The following SSH2 variants were observed in gnomAD, a reference collection of about 807,000 sequenced individuals.
The protein encoded by SSH2 is slingshot protein phosphatase 2, also known as protein phosphatase Slingshot homolog 2.
Under a neutral mutation model 135.2 loss-of-function variants are expected in SSH2, and 37 were observed. The ratio of observed to expected loss-of-function variants is 0.27; its 90% CI spans 0.21 to 0.36. The LOEUF (loss-of-function observed/expected upper bound fraction) is 0.36, where lower values mean the gene tolerates loss of function less well. SSH2 is among the 10% of genes least tolerant of loss of function. The pLI, the probability that SSH2 is intolerant of heterozygous loss-of-function variation, is 1.00. For synonymous variants in SSH2, 628 were observed against 646.2 expected (o/e 0.97, Z 0.43); for missense variants, 1,408 against 1,765.3 (o/e 0.80, Z 3.63).
intron 3 of SSH2, among the ~76,000 whole-genome samples, chr17:29,743,809 T>C (rs758831393): frequency 1.3e-5 from 2 of 152,054 alleles, no homozygotes; most frequent in Non-Finnish European, 2.9e-5. Context: ...TTAGAATCAC[T>C]AAATGTTATG....
chr17:29,796,736 A>C (rs1174953977), intron 2 of SSH2, among the ~76,000 whole-genome samples: 1 of 151,942 alleles, frequency 6.6e-6, no homozygotes, highest in Non-Finnish European at 1.5e-5. Flanking sequence ...TAAGTTACTG[A>C]TATCAGTACA....
chr17:29,810,499 A>G (rs1273345731), intron 2 of SSH2, among the ~76,000 whole-genome samples: 1 of 152,244 alleles, frequency 6.6e-6, no homozygotes, highest in South Asian at 2.1e-4. Context: ...TCATTAATTC[A>G]TCTACAATTT....
intron 3 of SSH2, among the ~76,000 whole-genome samples, chr17:29,779,036 C>T (rs1335668502): frequency 6.6e-6 from 1 of 151,516 alleles, no homozygotes; most frequent in Non-Finnish European, 1.5e-5. Flanking sequence ...TCATGAATAA[C>T]ATCTAGGGGG....
chr17:29,870,790 C>T (rs1343892695), intron 1 of SSH2, among the ~76,000 whole-genome samples: 1 of 152,186 alleles, frequency 6.6e-6, no homozygotes, highest in Non-Finnish European at 1.5e-5. Flanking sequence ...CCTTCATTGT[C>T]TATTTGATAA....
chr17:29,898,824 C>CA (rs2066492772), intron 1 of SSH2, among the ~76,000 whole-genome samples: 7 of 151,970 alleles, frequency 4.6e-5, no homozygotes, highest in Admixed American at 4.6e-4. Context: ...AGAGACACAA[C>CA]AAAAAAAGAG....
rs538416272 is a variant in SSH2 at position 29,814,301 on chromosome 17, G to A, written c.145-20364C>T. 3.7e-3 allele frequency among the ~76,000 whole-genome samples: 554 copies of A among 149,718 alleles called. 3 individuals carry two copies. The highest frequency in any genetic ancestry group is 0.013 in the African/African-American group (530 of 40,816). On this transcript the variant is annotated intron_variant, in intron 2 of 15. Coordinates refer to ENST00000540801, the MANE Select transcript of SSH2 (RefSeq NM_001282129.2). ...ATACAAAAAATTAGCCGGGCGTGGT[G>A]GCGCGCTTGTAGTCCCAGCTACTCG...
chr17:29,708,989 A>T (rs1296772328), intron 3 of SSH2, among the ~76,000 whole-genome samples: 1 of 69,942 alleles, frequency 1.4e-5, no homozygotes, highest in Non-Finnish European at 3.0e-5. Flanking sequence ...ATCCCTAGTT[A>T]AGAAATATAT....
intron 1 of SSH2, among the ~76,000 whole-genome samples, chr17:29,901,956 AT>A (rs910128428): frequency 4.0e-5 from 6 of 149,176 alleles, no homozygotes; most frequent in East Asian, 2.0e-4. Flanking sequence ...CTAATTTTTA[AT>A]TTTTTTTTTG....
chr17:29,907,154 A>C (rs1269391046), intron 1 of SSH2, among the ~76,000 whole-genome samples: 1 of 152,260 alleles, frequency 6.6e-6, no homozygotes, highest in African/African-American at 2.4e-5. Flanking sequence ...AATGTGGTAC[A>C]TACATACCAT....
chr17:29,735,177 G>A (rs2040324160), intron 3 of SSH2, among the ~76,000 whole-genome samples: 1 of 152,056 alleles, frequency 6.6e-6, no homozygotes, highest in Admixed American at 6.6e-5. Context: ...CTGGTCCAAA[G>A]CTCTGGACTA....
chr17:29,670,155 T>A (rs1006206803), intron 9 of SSH2, among the ~76,000 whole-genome samples: 1 of 152,124 alleles, frequency 6.6e-6, no homozygotes, highest in Non-Finnish European at 1.5e-5. Context: ...GTGCTGAGAT[T>A]ACAGGCATGA....
At chr17:29,793,470 G>A (rs2617883) in intron 3 of SSH2, 68,046 of 153,344 alleles carry the variant, frequency 0.44, 15,463 homozygotes, top group Non-Finnish European at 0.49. Context: ...ATATTTTCCT[G>A]AAAGGTAAGG....
At chr17:29,664,050 A>G (rs1335113718) in intron 11 of SSH2, among the ~76,000 whole-genome samples, 3 of 152,248 alleles carry the variant, frequency 2.0e-5, no homozygotes, top group African/African-American at 4.8e-5. Flanking sequence ...CTGTGTGTGT[A>G]TACACAAAAA....
In SSH2 at chr17:29,631,916, G is replaced by A; in HGVS notation, c.3278C>T (p.Pro1093Leu). The A allele has an allele frequency of 6.2e-7, 1 of 1,614,180 alleles. No individual in the cohort carries two copies. The highest frequency in any genetic ancestry group is 1.1e-5 in the South Asian group (1 of 91,080). ...TTGGGGGTGCAGAGAAACCTGGTTGGGGTCCAGAGTCCTGTTTAGATTTTC... is the reference window on the plus strand; with the variant it reads ...TTGGGGGTGCAGAGAAACCTGGTTGAGGTCCAGAGTCCTGTTTAGATTTTC... ...LDENLNRTLDPNQVSLHPQVL... is the reference protein window; with the variant it reads ...LDENLNRTLDLNQVSLHPQVL... Residue 1093 changes from proline to leucine, a missense_variant, in exon 16 of 16, where the codon CCC becomes CTC. Transcript: ENST00000540801.
At position 29,650,804 on chromosome 17, in the gene SSH2, C is replaced by A. The variant is rs369420962; in HGVS notation, c.1080-4G>T. 31 of 1,596,120 alleles carry A rather than the reference C, an allele frequency of 1.9e-5. No individual in the cohort carries two copies. The African/African-American group carries it at 3.0e-4, about 15-fold the overall frequency. On this transcript the variant is annotated splice_region_variant and splice_polypyrimidine_tract_variant and intron_variant, in intron 12 of 15. Coordinates refer to ENST00000540801, the MANE Select transcript of SSH2 (RefSeq NM_001282129.2). ...GACATTCAAGATATACCGTACCCTGCAAGGAAACCAAGGGAGAATATGTGC... is the reference window on the plus strand; with the variant it reads ...GACATTCAAGATATACCGTACCCTGAAAGGAAACCAAGGGAGAATATGTGC...
chr17:29,722,392 A>G (rs1395661141), intron 3 of SSH2, among the ~76,000 whole-genome samples: 1 of 152,172 alleles, frequency 6.6e-6, no homozygotes, highest in Non-Finnish European at 1.5e-5. Context: ...CATACTCTAG[A>G]GTACTTGGGT....
intron 1 of SSH2, among the ~76,000 whole-genome samples, chr17:29,874,441 G>A (rs564947177): frequency 2.0e-5 from 3 of 152,160 alleles, no homozygotes; most frequent in Admixed American, 2.0e-4. Context: ...CTATAACCCC[G>A]ATAAGGGAGA....
At chr17:29,708,279 C>T (rs2039288668) in intron 3 of SSH2, among the ~76,000 whole-genome samples, 1 of 152,038 alleles carries the variant, frequency 6.6e-6, no homozygotes, top group Admixed American at 6.6e-5. Context: ...AAGGAGTTGT[C>T]AATTGTCTAA....
intron 8 of SSH2, among the ~76,000 whole-genome samples, chr17:29,673,015 G>A (rs1192752324): frequency 6.6e-6 from 1 of 152,006 alleles, no homozygotes; most frequent in African/African-American, 2.4e-5. Context: ...CCTAGCTCTG[G>A]TAATTCTGAG....
Sources: gnomAD v4.1 joint callset for allele counts (sites outside exome capture counted in the v4.1 genomes callset) on GRCh38, gnomAD v4.1.1 for gene constraint, MANE v1.5 for transcripts, NCBI Gene and HGNC (gene_info 2026-07-23, HGNC 2026-07-21) for gene names.